NFATC1: variants seen among roughly 807,000 people sequenced by gnomAD.
NFATC1 encodes nuclear factor of activated T cells 1, also known as nuclear factor of activated T-cells, cytoplasmic 1.
Under a neutral mutation model 76.0 loss-of-function variants are expected in NFATC1, and 22 were observed. The ratio of observed to expected loss-of-function variants is 0.29; its 90% CI spans 0.21 to 0.41. The LOEUF is 0.41. Among genes scored for constraint, NFATC1 ranks in the 10% least tolerant of loss-of-function variants. The pLI, the probability that NFATC1 is intolerant of heterozygous loss-of-function variation, is 1.00. For synonymous variants in NFATC1, 704 were observed against 613.1 expected, an observed-to-expected ratio of 1.15 and a Z score of -2.19; for missense variants, 1,357 against 1,337.7, an observed-to-expected ratio of 1.01 and a Z score of -0.23.
intron 6 of NFATC1, among the ~76,000 whole-genome samples, chr18:79,459,296 C>T (rs1027639211): frequency 8.5e-5 from 13 of 152,238 alleles, no homozygotes; most frequent in African/African-American, 1.7e-4. Context: ...CACAGGCCCA[C>T]GAGGCACGGG....
chr18:79,460,417 C>T (rs1204567758), intron 6 of NFATC1, among the ~76,000 whole-genome samples: 1 of 152,168 alleles, frequency 6.6e-6, no homozygotes, highest in African/African-American at 2.4e-5. Flanking sequence ...GATAATTGCC[C>T]CAAACTCAGC....
intron 3 of NFATC1, among the ~76,000 whole-genome samples, chr18:79,434,059 G>A (rs182181737): frequency 1.2e-4 from 18 of 152,360 alleles, no homozygotes; most frequent in African/African-American, 3.6e-4. Flanking sequence ...TTGGAGGCAG[G>A]AGTTCTCACC....
intron 2 of NFATC1, among the ~76,000 whole-genome samples, chr18:79,431,416 G>T (rs1442495785): frequency 6.6e-6 from 1 of 152,088 alleles, no homozygotes; most frequent in East Asian, 1.9e-4. Flanking sequence ...AAGCACATGC[G>T]ATCTTGGCTC....
intron 8 of NFATC1, 183 bp downstream of exon 8, chr18:79,467,765 G>T: frequency 1.0e-6 from 1 of 958,532 alleles, no homozygotes. Context: ...AGCTTCGGAT[G>T]CATTTTCCTT....
intron 1 of NFATC1, among the ~76,000 whole-genome samples, chr18:79,397,777 T>A (rs1042699555): frequency 2.0e-5 from 3 of 152,178 alleles, no homozygotes; most frequent in Non-Finnish European, 2.9e-5. Context: ...CGACCTGTAG[T>A]AAGGAGCCCC....
At chr18:79,413,136 C>T (rs182529018) in intron 2 of NFATC1, among the ~76,000 whole-genome samples, 27 of 152,302 alleles carry the variant, frequency 1.8e-4, no homozygotes, top group Admixed American at 1.0e-3. Context: ...GGCTTACGGA[C>T]GGTGACAAAG....
intron 3 of NFATC1, among the ~76,000 whole-genome samples, chr18:79,436,499 G>A (rs1404049226): frequency 6.6e-6 from 1 of 152,196 alleles, no homozygotes; most frequent in Non-Finnish European, 1.5e-5. Flanking sequence ...GGGGCACGCT[G>A]TGCCCCCGCG....
chr18:79,400,124 GTCGCGCGCGC>G, intron 1 of NFATC1: 1 of 913,660 alleles, frequency 1.1e-6, no homozygotes, highest in Non-Finnish European at 1.3e-6. Flanking sequence ...GACCCCTGCG[GTCGCGCGCGC>G]GCGAGGGGGC....
At chr18:79,451,341 G>C (rs2087464948) in intron 5 of NFATC1, among the ~76,000 whole-genome samples, 1 of 152,280 alleles carries the variant, frequency 6.6e-6, no homozygotes, top group African/African-American at 2.4e-5. Context: ...CTCCTCTGAT[G>C]GCTGAGCATG....
In NFATC1 at chr18:79,445,099, G is replaced by C. The variant is rs377716154; in HGVS notation, c.1387-3683G>C. ...TTTGGGGTGCTCCCTTCGACTACTG[G>C]CTCCATTTTTGATGTCTTTTACTTT... On this transcript the variant is annotated intron_variant, in intron 3 of 9. Coordinates refer to ENST00000427363, the MANE Select transcript of NFATC1 (RefSeq NM_001278669.2). Among the ~76,000 whole-genome samples, 6 of 152,234 alleles carry C rather than the reference G, an allele frequency of 3.9e-5. No homozygotes were observed. The East Asian group carries it at 7.7e-4, about 20-fold the overall frequency.
At chr18:79,522,346 G>A (rs1303289950) in intron 9 of NFATC1, among the ~76,000 whole-genome samples, 2 of 108,084 alleles carry the variant, frequency 1.9e-5, no homozygotes, top group East Asian at 3.1e-4. Context: ...GTGGTGGGGG[G>A]TGTCCACTGA....
chr18:79,505,816 T>A (rs1371000961), intron 9 of NFATC1, among the ~76,000 whole-genome samples: 4 of 121,532 alleles, frequency 3.3e-5, no homozygotes, highest in African/African-American at 1.5e-4. Flanking sequence ...GAGGTGGTGC[T>A]GGAGGCCCTT....
intron 9 of NFATC1, among the ~76,000 whole-genome samples, chr18:79,493,987 C>T (rs1030730347): frequency 6.6e-6 from 1 of 152,056 alleles, no homozygotes; most frequent in Non-Finnish European, 1.5e-5. Context: ...GCCAAGAGCC[C>T]GTCCAGCCCC....
At position 79,409,330 on chromosome 18, in the gene NFATC1, A is replaced by C. The variant is rs559568370; in HGVS notation, c.128-1073A>C. On this transcript the variant is annotated intron_variant, in intron 1 of 9. Coordinates refer to ENST00000427363, the MANE Select transcript of NFATC1 (RefSeq NM_001278669.2). ...CCATTCCTCCATTCCCTATCCATTC[A>C]TTCATCCATCCATCCATCCATCCAT... Among the ~76,000 whole-genome samples the C allele has an allele frequency of 6.1e-5, 6 of 98,200 alleles. No individual in the cohort carries two copies. The South Asian group carries it at 2.2e-3, about 36-fold the overall frequency. The allele number at this position is 98,200 out of a possible 152,430, so 64.4% of individuals were successfully genotyped here. A position where few individuals can be genotyped will look rare whatever the true frequency, so the allele number is the denominator to read the frequency against.
chr18:79,405,780 A>G (rs2085415505), intron 1 of NFATC1, among the ~76,000 whole-genome samples: 1 of 152,178 alleles, frequency 6.6e-6, no homozygotes, highest in South Asian at 2.1e-4. Flanking sequence ...ATAAAGCTTT[A>G]TGGTGTTTCT....
Position 79,410,554 on chromosome 18 carries a change from G to A in NFATC1, c.279G>A (p.Leu93=). 1 of 1,611,712 alleles carries A rather than the reference G, an allele frequency of 6.2e-7. No homozygotes were observed. The stretch of plus-strand genomic sequence containing the variant: ...ACCCCTCGGGGTACGGAGCAGCTTT[G>A]GACGGTGGGCCCGCGGGCTACTTCC... ...ADHPSGYGAA[L]DGGPAGYFLS... is the part of the protein sequence containing the mutation. The change falls in exon 2 of 10, where the codon TTG becomes TTA. Residue 93 remains leucine, a synonymous_variant. Coordinates refer to ENST00000427363, the MANE Select transcript of NFATC1 (RefSeq NM_001278669.2). The surrounding 1 kb of genome is among the most constrained non-coding windows in gnomAD (Gnocchi z 6.7).
rs940618066 is a variant in NFATC1, at chr18:79,454,961, G to A, written c.1903+3145G>A. ...CGATGTGAGGCACCTCTCTGTACAC[G>A]CGTGAACGTTGAAGCTGCTGAGGGA... is the stretch of plus-strand genomic sequence containing the variant. On this transcript the variant is annotated intron_variant, in intron 6 of 9. Coordinates refer to ENST00000427363, the MANE Select transcript of NFATC1 (RefSeq NM_001278669.2). Among the ~76,000 whole-genome samples the A allele has an allele frequency of 1.1e-4, 17 of 151,010 alleles. No homozygotes were observed. The South Asian group carries it at 2.1e-3, about 19-fold the overall frequency.
intron 6 of NFATC1, among the ~76,000 whole-genome samples, 184 bp from the exon 7 acceptor site, chr18:79,461,127 C>G (rs1297170699): frequency 6.7e-6 from 1 of 149,812 alleles, no homozygotes; most frequent in Non-Finnish European, 1.5e-5. Context: ...AGCTCGGGGC[C>G]CTGCCAGGGC....
intron 3 of NFATC1, among the ~76,000 whole-genome samples, chr18:79,436,025 GGTTA>G (rs769075761): frequency 5.6e-4 from 86 of 152,290 alleles, no homozygotes; most frequent in Middle Eastern, 6.8e-3. Context: ...GGGTTTTGGG[GGTTA>G]GTTTTCTCTT....
Sources: allele counts gnomAD v4.1 joint callset (sites outside exome capture counted in the v4.1 genomes callset), GRCh38; gene constraint gnomAD v4.1.1; non-coding constraint Gnocchi (gnomAD v3.1); transcripts MANE v1.5; gene names NCBI Gene and HGNC (gene_info 2026-07-23, HGNC 2026-07-21).